Variants in HDAC4 observed in about 807,000 individuals in gnomAD.
The protein encoded by HDAC4 is histone deacetylase A.
Under a neutral mutation model 135.1 loss-of-function variants are expected in HDAC4, and 16 were observed. That is an observed-to-expected ratio of 0.12 (90% confidence interval 0.08 to 0.18). The LOEUF is 0.18. Among genes scored for constraint, HDAC4 ranks in the 10% least tolerant of loss-of-function variants. The pLI is 1.00. For synonymous variants in HDAC4, 685 were observed against 653.4 expected, an observed-to-expected ratio of 1.05 and a Z score of -0.74; for missense variants, 1,143 against 1,511.8, an observed-to-expected ratio of 0.76 and a Z score of 4.05.
chr2:239,151,124 C>G (rs2152933993), intron 7 of HDAC4, among the ~76,000 whole-genome samples: 1 of 152,378 alleles, frequency 6.6e-6, no homozygotes, highest in African/African-American at 2.4e-5. Flanking sequence ...AAAACACACT[C>G]TGTCCTATTT....
At chr2:239,310,955 G>A (rs1002058712) in intron 2 of HDAC4, among the ~76,000 whole-genome samples, 1 of 152,240 alleles carries the variant, frequency 6.6e-6, no homozygotes, top group African/African-American at 2.4e-5. Flanking sequence ...ACCTGCTTGA[G>A]CCCTAATACT....
intron 14 of HDAC4, 50 bp from the exon 15 acceptor site, chr2:239,108,233 G>C: frequency 1.9e-6 from 3 of 1,562,496 alleles, no homozygotes; most frequent in Non-Finnish European, 2.6e-6. Context: ...GGGGCGAGCC[G>C]ACCACCCACT....
chr2:239,246,177 G>A (rs1476190670), intron 2 of HDAC4, among the ~76,000 whole-genome samples: 1 of 152,192 alleles, frequency 6.6e-6, no homozygotes, highest in African/African-American at 2.4e-5. Flanking sequence ...CGCTGGACAC[G>A]CAGACTCAGC....
intron 1 of HDAC4, among the ~76,000 whole-genome samples, chr2:239,382,270 G>T (rs557357840): frequency 1.3e-5 from 2 of 152,168 alleles, no homozygotes; most frequent in African/African-American, 4.8e-5. Context: ...CTTTATTTGC[G>T]TGCATTGGTG....
At chr2:239,341,017 C>T (rs1692264232) in intron 2 of HDAC4, among the ~76,000 whole-genome samples, 1 of 152,238 alleles carries the variant, frequency 6.6e-6, no homozygotes, top group Non-Finnish European at 1.5e-5. Flanking sequence ...AAGGACTCGG[C>T]TTTCAACACG....
At chr2:239,105,731 C>T (rs763748250) in intron 15 of HDAC4, among the ~76,000 whole-genome samples, 8 of 152,282 alleles carry the variant, frequency 5.3e-5, no homozygotes, top group Admixed American at 1.3e-4. Flanking sequence ...TCCAAGTGGT[C>T]CGCGGACTGG....
At chr2:239,187,424 G>A (rs2153036813) in intron 4 of HDAC4, among the ~76,000 whole-genome samples, 1 of 152,338 alleles carries the variant, frequency 6.6e-6, no homozygotes, top group East Asian at 1.9e-4. Context: ...GGCCTCTTGA[G>A]GGCTGCTCTT....
At chr2:239,370,880 T>C (rs1185110844) in intron 1 of HDAC4, among the ~76,000 whole-genome samples, 1 of 152,234 alleles carries the variant, frequency 6.6e-6, no homozygotes, top group Non-Finnish European at 1.5e-5. Context: ...AAATGAGTCA[T>C]AAAGGTGAAG....
intron 4 of HDAC4, among the ~76,000 whole-genome samples, chr2:239,181,957 T>C (rs1376172365): frequency 6.6e-6 from 1 of 152,154 alleles, no homozygotes; most frequent in Non-Finnish European, 1.5e-5. Flanking sequence ...TCAGGCCCCC[T>C]CAAGGCTAGG....
intron 12 of HDAC4, among the ~76,000 whole-genome samples, chr2:239,122,785 C>T (rs10180424): frequency 0.019 from 2,885 of 152,326 alleles, 79 homozygotes; most frequent in African/African-American, 0.061. Flanking sequence ...GTGATGTTTC[C>T]AAAACAACTG....
At chr2:239,357,416 A>C (rs984443551) in intron 1 of HDAC4, among the ~76,000 whole-genome samples, 2 of 151,384 alleles carry the variant, frequency 1.3e-5, no homozygotes, top group Non-Finnish European at 2.9e-5. Flanking sequence ...GTTTCACCTT[A>C]AAAAATTAGA....
chr2:239,212,505 G>A (rs1435813214), intron 3 of HDAC4, among the ~76,000 whole-genome samples: 1 of 152,228 alleles, frequency 6.6e-6, no homozygotes, highest in Non-Finnish European at 1.5e-5. Context: ...CCAGAGAGCT[G>A]AAGCCAGGCT....
Position 239,066,816 on chromosome 2 carries a change from C to T in HDAC4, c.2909G>A (p.Gly970Asp). The T allele has an allele frequency of 6.2e-7, 1 of 1,613,616 alleles. No individual in the cohort carries two copies. Among genetic ancestry groups the T allele is most frequent in the Non-Finnish European group, 8.5e-7 (1 of 1,179,968 alleles). ...YLTKQLMGLAGGRIVLALEGG... is the reference protein window; with the variant it reads ...YLTKQLMGLADGRIVLALEGG... ...CTCGAGGGCCAGGACAATCCGGCCGCCAGCCAGGCCCATCAGCTGCTTCGT... is the reference window on the plus strand; with the variant it reads ...CTCGAGGGCCAGGACAATCCGGCCGTCAGCCAGGCCCATCAGCTGCTTCGT... Residue 970 changes from glycine to aspartate, a missense_variant, in exon 24 of 27, where the codon GGC (glycine) becomes GAC (aspartate). Around this residue, in one of 9 missense-constraint regions of HDAC4, gnomAD observed 189 missense variants for 317.6 expected, o/e 0.60. Coordinates refer to ENST00000543185, the MANE Select transcript of HDAC4 (RefSeq NM_001378414.1).
chr2:239,114,152 C>T (rs774974558), intron 13 of HDAC4, among the ~76,000 whole-genome samples: 13 of 152,294 alleles, frequency 8.5e-5, no homozygotes, highest in South Asian at 2.1e-4. Context: ...TACTGCAGGG[C>T]GTCCTGCTCC....
chr2:239,139,583 G>C lies in HDAC4; in HGVS notation c.978+101C>G. 9.3e-7 allele frequency: 1 copy of C among 1,071,318 alleles called. No individual in the cohort carries two copies. Among genetic ancestry groups the C allele is most frequent in the Non-Finnish European group, 1.5e-6 (1 of 686,374 alleles). The allele number at this position is 1,071,318 out of a possible 1,614,324, so 66.4% of individuals were successfully genotyped here. On this transcript the variant is annotated intron_variant, in intron 9 of 26. Transcript: ENST00000543185. The surrounding 1 kb of genome is among the most constrained non-coding windows in gnomAD (Gnocchi z 5.3). ...CACTTTCCCTCACCCCAAATTGGAA[G>C]GTGAAGAGTGAAGGGCAAGTGCAAA...
chr2:239,183,299 G>T (rs762407162), intron 4 of HDAC4, among the ~76,000 whole-genome samples: 1 of 152,230 alleles, frequency 6.6e-6, no homozygotes, highest in African/African-American at 2.4e-5. Context: ...AACCCAAAAA[G>T]ATTTTCACTT....
At chr2:239,357,710 C>T (rs1428431232) in intron 1 of HDAC4, among the ~76,000 whole-genome samples, 1 of 147,894 alleles carries the variant, frequency 6.8e-6, no homozygotes, top group Non-Finnish European at 1.5e-5. Context: ...ATTGTGAAAC[C>T]CTGTCTCGAC....
intron 3 of HDAC4, among the ~76,000 whole-genome samples, chr2:239,232,636 C>G (rs1575477751): frequency 8.6e-6 from 1 of 115,754 alleles, no homozygotes; most frequent in African/African-American, 3.6e-5. Context: ...CTTCCCCTCA[C>G]CAAGCCAAGG....
intron 19 of HDAC4, among the ~76,000 whole-genome samples, chr2:239,086,980 C>T (rs954387589): frequency 6.6e-6 from 1 of 152,184 alleles, no homozygotes; most frequent in Non-Finnish European, 1.5e-5. Context: ...CAGACAGCTG[C>T]GGGTCTGTCC....
Sources: gnomAD v4.1 joint callset for allele counts (sites outside exome capture counted in the v4.1 genomes callset) on GRCh38, gnomAD v4.1.1 for gene constraint, gnomAD v4.1.1 regional missense constraint, Gnocchi (gnomAD v3.1) non-coding constraint, MANE v1.5 for transcripts, NCBI Gene and HGNC (gene_info 2026-07-23, HGNC 2026-07-21) for gene names.